Variants in RGL1 observed in about 807,000 individuals in gnomAD.
The protein encoded by RGL1 is ral guanine nucleotide dissociation stimulator-like 1.
RGL1 carries 24 observed loss-of-function variants against 95.2 expected under a neutral mutation model. That is an observed-to-expected ratio of 0.25 (90% CI 0.18 to 0.35). The LOEUF (loss-of-function observed/expected upper bound fraction) is 0.35, where lower values mean the gene tolerates loss of function less well. Ranked by LOEUF, RGL1 falls within the 10% of genes least tolerant of loss-of-function variation. The pLI is 1.00. For synonymous variants in RGL1, 329 were observed against 344.9 expected (o/e 0.95, Z 0.51); for missense variants, 715 against 936.3 (o/e 0.76, Z 3.08).
chr1:183,766,093 TAA>T (rs111374919), intron 2 of RGL1, among the ~76,000 whole-genome samples: 7 of 142,938 alleles, frequency 4.9e-5, no homozygotes, highest in African/African-American at 1.5e-4. Context: ...ATAATAAAAT[TAA>T]AAAAAAAAAA....
At chr1:183,878,271 A>G (rs563345120) in intron 4 of RGL1, among the ~76,000 whole-genome samples, 29 of 151,930 alleles carry the variant, frequency 1.9e-4, no homozygotes, top group African/African-American at 7.0e-4. Context: ...ATCACAGCTC[A>G]CTGCAGCCTC....
chr1:183,872,793 C>G (rs10752922), intron 4 of RGL1, among the ~76,000 whole-genome samples: 96,473 of 152,090 alleles, frequency 0.63, 32,818 homozygotes, highest in East Asian at 0.88. Flanking sequence ...TTCAGATGCC[C>G]TAAGAAGGCA....
In RGL1 at chr1:183,927,536, A is replaced by G. The variant is rs1305875756; in HGVS notation, c.*1244A>G. On this transcript the variant is annotated 3_prime_UTR_variant, in exon 18 of 18. Transcript: ENST00000360851. The stretch of plus-strand genomic sequence containing the variant: ...TTGTCTAAGAGGTACATTCTTCCAG[A>G]TGGAATCAATAACTTTTTTTTTTCC... 1 of 152,446 alleles carries G rather than the reference A, an allele frequency of 6.6e-6. No homozygotes were observed. The highest frequency in any genetic ancestry group is 1.5e-5 in the Non-Finnish European group (1 of 68,050). 9.4% of individuals were successfully genotyped at this position (152,446 alleles called of 1,614,324 possible).
chr1:183,917,033 T>C (rs1669022452), intron 16 of RGL1, among the ~76,000 whole-genome samples: 4 of 152,202 alleles, frequency 2.6e-5, no homozygotes, highest in Non-Finnish European at 5.9e-5. Flanking sequence ...GTAAATGTGC[T>C]CCAGGGAGGA....
intron 1 of RGL1, among the ~76,000 whole-genome samples, chr1:183,639,842 CT>C (rs918437806): frequency 6.6e-5 from 10 of 151,414 alleles, no homozygotes; most frequent in Non-Finnish European, 1.0e-4. Context: ...AAATGTTTTT[CT>C]TTTTTTCTTT....
chr1:183,781,601 G>GA (rs1202464771), intron 2 of RGL1, among the ~76,000 whole-genome samples: 1 of 152,012 alleles, frequency 6.6e-6, no homozygotes, highest in Non-Finnish European at 1.5e-5. Flanking sequence ...CTTTACAGAA[G>GA]AAAAAAATCA....
intron 1 of RGL1, chr1:183,648,892 T>C: frequency 2.4e-6 from 2 of 850,800 alleles, no homozygotes; most frequent in Non-Finnish European, 3.6e-6. Context: ...AACCATACTT[T>C]CTTTAAAGGA....
chr1:183,907,725 C>A (rs992015500), intron 14 of RGL1, among the ~76,000 whole-genome samples: 1 of 152,218 alleles, frequency 6.6e-6, no homozygotes, highest in East Asian at 1.9e-4. Flanking sequence ...GGAATGTAAG[C>A]AACCTGAGAA....
chr1:183,779,405 C>T (rs780075142), intron 2 of RGL1, among the ~76,000 whole-genome samples: 2 of 151,948 alleles, frequency 1.3e-5, no homozygotes, highest in South Asian at 2.1e-4. Flanking sequence ...TGTGCCACCT[C>T]GCCCAGCTAA....
At chr1:183,861,469 T>A (rs941670316) in intron 3 of RGL1, among the ~76,000 whole-genome samples, 1 of 152,258 alleles carries the variant, frequency 6.6e-6, no homozygotes, top group African/African-American at 2.4e-5. Flanking sequence ...TGGAAATAAC[T>A]GTTTCTGTTT....
At chr1:183,692,086 A>G (rs964507168) in intron 1 of RGL1, among the ~76,000 whole-genome samples, 9 of 151,344 alleles carry the variant, frequency 5.9e-5, no homozygotes. Context: ...TCTGTGTAAT[A>G]TACTTTTTGA....
At position 183,883,801 on chromosome 1, in the gene RGL1, C is replaced by G; in HGVS notation, c.626C>G (p.Thr209Arg). The G allele has an allele frequency of 6.2e-7, 1 of 1,614,036 alleles. No homozygotes were observed. Among genetic ancestry groups the G allele is most frequent in the Non-Finnish European group, 8.5e-7 (1 of 1,179,886 alleles). Residue 209 changes from threonine to arginine, a missense_variant, in exon 6 of 18, where the codon ACG becomes AGG. Thr to Arg is a moderately conservative substitution (Grantham distance 71). Around this residue, in one of 3 missense-constraint regions of RGL1, gnomAD observed 381 missense variants for 484.8 expected, o/e 0.79. Transcript: ENST00000360851. ...ATGTGAACAGATGGGCTTCCCAACA[C>G]GATCTCCTTCAGCCTGGAAGAGGAA... The part of the protein sequence containing the change: ...EVETDNGLPN[T>R]ISFSLEEEEE...
chr1:183,683,307 C>T (rs906846186), intron 1 of RGL1, among the ~76,000 whole-genome samples: 1 of 151,718 alleles, frequency 6.6e-6, no homozygotes, highest in Admixed American at 6.6e-5. Context: ...GTGGGAGGTA[C>T]CAGTTTTTCC....
intron 1 of RGL1, among the ~76,000 whole-genome samples, chr1:183,717,352 A>T (rs1288692236): frequency 6.6e-6 from 1 of 152,214 alleles, no homozygotes; most frequent in Non-Finnish European, 1.5e-5. Flanking sequence ...TGTGTCACTT[A>T]TATTCAAGAT....
At chr1:183,821,852 A>G (rs1662512706) in intron 2 of RGL1, among the ~76,000 whole-genome samples, 1 of 152,214 alleles carries the variant, frequency 6.6e-6, no homozygotes. Flanking sequence ...TCTAAGAAGC[A>G]GGATGATTTC....
chr1:183,745,245 CTAA>C (rs551936008), intron 2 of RGL1, among the ~76,000 whole-genome samples: 306 of 152,230 alleles, frequency 2.0e-3, no homozygotes, highest in Non-Finnish European at 3.6e-3. Flanking sequence ...TTTCTGGAAA[CTAA>C]TGTTTTGTTT....
At chr1:183,732,715 G>T (rs1307258725) in intron 1 of RGL1, among the ~76,000 whole-genome samples, 2 of 152,156 alleles carry the variant, frequency 1.3e-5, no homozygotes, top group African/African-American at 2.4e-5. Context: ...TGGTGCTATT[G>T]TGAAGGCCTG....
At chr1:183,673,266 G>T (rs1652592351) in intron 1 of RGL1, among the ~76,000 whole-genome samples, 1 of 152,200 alleles carries the variant, frequency 6.6e-6, no homozygotes, top group Non-Finnish European at 1.5e-5. Context: ...ACCTGGACCA[G>T]TTTAATATCA....
chr1:183,905,416 T>TGTTTC, intron 13 of RGL1, among the ~76,000 whole-genome samples: 1 of 152,026 alleles, frequency 6.6e-6, no homozygotes, highest in Non-Finnish European at 1.5e-5. Context: ...AACTTTGAAA[T>TGTTTC]ATGATGGGTA....
Sources: allele counts gnomAD v4.1 joint callset (sites outside exome capture counted in the v4.1 genomes callset), GRCh38; gene constraint gnomAD v4.1.1; regional missense constraint gnomAD v4.1.1; transcripts MANE v1.5; gene names NCBI Gene and HGNC (gene_info 2026-07-23, HGNC 2026-07-21).